The following POTEC variants were observed in gnomAD, a reference collection of about 807,000 sequenced individuals.
POTEC encodes the protein POTE ankyrin domain family member C.
A neutral mutation model predicts 62.0 loss-of-function variants in POTEC; 35 were observed. The ratio of observed to expected loss-of-function variants is 0.56; its 90% CI spans 0.43 to 0.75. The LOEUF is 0.75. POTEC is among the 30% of genes least tolerant of loss of function. POTEC has a pLI of 0.00. For synonymous variants in POTEC, 156 were observed against 221.5 expected, an observed-to-expected ratio of 0.70 and a Z score of 2.62; for missense variants, 472 against 655.9, an observed-to-expected ratio of 0.72 and a Z score of 3.06.
chr18:14,508,394 ACCT>A lies in POTEC; in HGVS notation c.*3501_*3503del. The A allele has an allele frequency of 6.6e-6, 1 of 152,350 alleles. No individual in the cohort carries two copies. The highest frequency in any genetic ancestry group is 2.1e-4 in the South Asian group (1 of 4,822). The allele number at this position is 152,350 out of a possible 1,614,324, so 9.4% of individuals were successfully genotyped here. ...TTGCACATGAGATGGAGCTGGTCTG[ACCT>A]CAGCCCTCCCTAGTCTGCTTGCCTC... On this transcript the variant is annotated 3_prime_UTR_variant, in exon 11 of 11. Transcript: ENST00000358970.
Position 14,512,120 on chromosome 18 carries a change from A to G in POTEC, c.1534-127T>C, listed in dbSNP as rs911671739. On this transcript the variant is annotated intron_variant, in intron 10 of 10. Coordinates refer to ENST00000358970, the MANE Select transcript of POTEC (RefSeq NM_001137671.2). ...ATTCCCATAGTGGATATTTAACTGG[A>G]AAAAAGTTGGACAAAACTTCAAATC... 6 of 724,326 alleles carry G rather than the reference A, an allele frequency of 8.3e-6. No individual in the cohort carries two copies. In the Admixed American group the frequency reaches 1.4e-4, roughly 16 times the overall value. 44.9% of individuals were successfully genotyped at this position (724,326 alleles called of 1,614,324 possible). A position where few individuals can be genotyped will look rare whatever the true frequency, so the allele number is the denominator to read the frequency against.
At chr18:14,541,931 C>A (rs576113737) in intron 1 of POTEC, among the ~76,000 whole-genome samples, 1 of 152,156 alleles carries the variant, frequency 6.6e-6, no homozygotes. Context: ...TGTTAGTAAA[C>A]AATTTGTGGA....
intron 6 of POTEC, among the ~76,000 whole-genome samples, chr18:14,530,107 A>G (rs1905453807): frequency 6.6e-6 from 1 of 151,718 alleles, no homozygotes; most frequent in African/African-American, 2.4e-5. Context: ...ATAGCACTAG[A>G]TACTCATTGG....
intron 1 of POTEC, among the ~76,000 whole-genome samples, chr18:14,540,130 A>G (rs1220351149): frequency 1.3e-5 from 2 of 152,150 alleles, no homozygotes; most frequent in Non-Finnish European, 2.9e-5. Flanking sequence ...TCTATATATA[A>G]TGAAAGATAA....
intron 6 of POTEC, among the ~76,000 whole-genome samples, chr18:14,526,699 T>TA (rs1312124748): frequency 1.4e-4 from 21 of 152,074 alleles, no homozygotes; most frequent in African/African-American, 4.6e-4. Flanking sequence ...AGCCACTCAG[T>TA]AATGCCAGAG....
chr18:14,526,139 C>T (rs1196868632), intron 6 of POTEC, among the ~76,000 whole-genome samples: 8 of 151,888 alleles, frequency 5.3e-5, no homozygotes, highest in Non-Finnish European at 2.9e-5. Flanking sequence ...ACCTTGTGAT[C>T]CACCTGCTCC....
At position 14,510,166 on chromosome 18, in the gene POTEC, C is replaced by T. The variant is rs1254222942; in HGVS notation, c.*1732G>A. On this transcript the variant is annotated 3_prime_UTR_variant, in exon 11 of 11. Transcript: ENST00000358970. ...GGGTCTGTGTTGTGGGCCCAAGCCA[C>T]GGTTCCTTGTCTGGTGATGAGCAGT... is the stretch of plus-strand genomic sequence containing the variant. 1 of 152,306 alleles carries T rather than the reference C, an allele frequency of 6.6e-6. No homozygotes were observed. The highest frequency in any genetic ancestry group is 2.1e-4 in the South Asian group (1 of 4,828). 9.4% of individuals were successfully genotyped at this position (152,306 alleles called of 1,614,324 possible). A position where few individuals can be genotyped will look rare whatever the true frequency, so the allele number is the denominator to read the frequency against.
At chr18:14,525,813 C>T (rs1406006564) in intron 6 of POTEC, among the ~76,000 whole-genome samples, 2 of 152,132 alleles carry the variant, frequency 1.3e-5, no homozygotes, top group Non-Finnish European at 2.9e-5. Flanking sequence ...TCCAAAATTA[C>T]TACTGACACC....
chr18:14,525,657 T>A (rs1445504701), intron 6 of POTEC, among the ~76,000 whole-genome samples: 1 of 151,802 alleles, frequency 6.6e-6, no homozygotes, highest in East Asian at 2.0e-4. Flanking sequence ...TTTGCCTATA[T>A]AAGCCAAGCC....
intron 8 of POTEC, 40 bp downstream of exon 8, chr18:14,523,423 A>G (rs1311130711): frequency 1.3e-6 from 2 of 1,516,186 alleles, no homozygotes; most frequent in Non-Finnish European, 1.8e-6. Flanking sequence ...CATAACATAA[A>G]AATCTAATTC....
chr18:14,531,938 A>T (rs1198564170), intron 5 of POTEC, among the ~76,000 whole-genome samples: 3 of 151,222 alleles, frequency 2.0e-5, no homozygotes, highest in African/African-American at 7.3e-5. Flanking sequence ...TAAAATCTTG[A>T]GCTAGAGATG....
rs987130228 is a variant in POTEC, at chr18:14,531,872, G to C, written c.1055+1189C>G. On this transcript the variant is annotated intron_variant, in intron 5 of 10. Transcript: ENST00000358970. ...TCATCACTACTTACTTAACCTACTT[G>C]AGATTCTGAGAATTCTCTTCAATGG... 4 of 151,902 alleles carry C rather than the reference G, an allele frequency of 2.6e-5. 1 individual carries two copies. The South Asian group carries it at 6.3e-4, about 24-fold the overall frequency. The allele number at this position is 151,902 out of a possible 1,614,324, so 9.4% of individuals were successfully genotyped here.
rs535753974 is a variant in POTEC at position 14,543,154 on chromosome 18, T to G, written c.-8A>C. ...ACAAACCTCAGTCACCATCTGCTTT[T>G]AACAGCCCGGGGAGGCCGGTAGTAG... On this transcript the variant is annotated 5_prime_UTR_variant, in exon 1 of 11. Transcript: ENST00000358970. The G allele has an allele frequency of 8.1e-6, 13 of 1,613,700 alleles. No homozygotes were observed. The East Asian group carries it at 2.7e-4, about 33-fold the overall frequency.
intron 9 of POTEC, among the ~76,000 whole-genome samples, chr18:14,519,106 T>C (rs1006905514): frequency 6.6e-6 from 1 of 152,050 alleles, no homozygotes; most frequent in Non-Finnish European, 1.5e-5. Flanking sequence ...ATTCTTCAGG[T>C]AGACCTGACA....
chr18:14,543,190 G>C lies in POTEC; in HGVS notation c.-44C>G. 1 of 1,611,684 alleles carries C rather than the reference G, an allele frequency of 6.2e-7. No homozygotes were observed. Among genetic ancestry groups the C allele is most frequent in the Non-Finnish European group, 8.5e-7 (1 of 1,178,638 alleles). ...GGAGGCCGGTAGTAGCGAACAGATC[G>C]CGTCTACCAACCAGTTTCACCAACT... On this transcript the variant is annotated 5_prime_UTR_variant, in exon 1 of 11. Transcript: ENST00000358970.
At chr18:14,537,216 A>AAC (rs1905765723) in intron 3 of POTEC, among the ~76,000 whole-genome samples, 1 of 96,904 alleles carries the variant, frequency 1.0e-5, no homozygotes, top group African/African-American at 3.5e-5. Context: ...CACACAAAAA[A>AAC]AAAAAAAAAC....
intron 5 of POTEC, among the ~76,000 whole-genome samples, chr18:14,532,106 C>T (rs1905542992): frequency 6.6e-6 from 1 of 151,680 alleles, no homozygotes; most frequent in African/African-American, 2.4e-5. Context: ...GATCTGGTAG[C>T]AAAGAAGAAG....
At chr18:14,523,741 CAT>C (rs1178099553) in intron 7 of POTEC, among the ~76,000 whole-genome samples, 3 of 152,196 alleles carry the variant, frequency 2.0e-5, no homozygotes, top group African/African-American at 2.4e-5. Context: ...TTCTGACTAA[CAT>C]GTGAAAAATA....
chr18:14,534,292 C>T (rs1390483833), intron 4 of POTEC, among the ~76,000 whole-genome samples: 1 of 151,632 alleles, frequency 6.6e-6, no homozygotes, highest in Non-Finnish European at 1.5e-5. Context: ...CCACTTAAAA[C>T]TATCTTCACT....
Sources: allele counts gnomAD v4.1 joint callset (sites outside exome capture counted in the v4.1 genomes callset), GRCh38; gene constraint gnomAD v4.1.1; transcripts MANE v1.5; gene names NCBI Gene and HGNC (gene_info 2026-07-23, HGNC 2026-07-21).